The following ELAPOR2 variants were observed in gnomAD, a reference collection of about 807,000 sequenced individuals.
ELAPOR2 encodes the protein endosome/lysosome-associated apoptosis and autophagy regulator family member 2.
ELAPOR2 carries 89 observed loss-of-function variants against 120.7 expected under a neutral mutation model. That is an observed-to-expected ratio of 0.74 (90% confidence interval 0.62 to 0.88). The LOEUF (loss-of-function observed/expected upper bound fraction) is 0.88, where lower values mean the gene tolerates loss of function less well. Ranked by LOEUF, ELAPOR2 falls within the 40% of genes least tolerant of loss-of-function variation. The pLI, the probability that ELAPOR2 is intolerant of heterozygous loss-of-function variation, is 0.00. For missense variants in ELAPOR2, 1,134 were observed against 1,251.6 expected, an observed-to-expected ratio of 0.91 and a Z score of 1.42; for synonymous variants, 444 against 444.9, an observed-to-expected ratio of 1.00 and a Z score of 0.03.
chr7:86,944,880 A>G lies in ELAPOR2; in HGVS notation c.654+19T>C. ...GAATGTCCCTTAAAAAGTAAATTCCAGAATACAAAAGGTCTTACAAAGAAC... is the reference window on the plus strand; with the variant it reads ...GAATGTCCCTTAAAAAGTAAATTCCGGAATACAAAAGGTCTTACAAAGAAC... On this transcript the variant is annotated intron_variant, in intron 4 of 21. Coordinates refer to ENST00000450689, the MANE Select transcript of ELAPOR2 (RefSeq NM_001142749.3). 1.3e-6 allele frequency: 2 copies of G among 1,518,826 alleles called. No individual in the cohort carries two copies. The highest frequency in any genetic ancestry group is 1.8e-6 in the Non-Finnish European group (2 of 1,135,978). The allele number at this position is 1,518,826 out of a possible 1,614,324, so 94.1% of individuals were successfully genotyped here.
At chr7:86,992,178 C>T (rs1006564668) in intron 1 of ELAPOR2, among the ~76,000 whole-genome samples, 1 of 152,134 alleles carries the variant, frequency 6.6e-6, no homozygotes, top group Non-Finnish European at 1.5e-5. Context: ...GTAATCCCAG[C>T]ACTTTGGGAG....
intron 1 of ELAPOR2, among the ~76,000 whole-genome samples, chr7:86,985,470 C>G (rs1176121180): frequency 6.6e-6 from 1 of 152,184 alleles, no homozygotes; most frequent in East Asian, 1.9e-4. Flanking sequence ...AATCCAGCAG[C>G]ACATCAAAAA....
At chr7:86,963,855 T>C (rs536040071) in intron 2 of ELAPOR2, among the ~76,000 whole-genome samples, 1 of 152,344 alleles carries the variant, frequency 6.6e-6, no homozygotes, top group East Asian at 1.9e-4. Context: ...AGACTGTTGC[T>C]ACACTGAAGC....
intron 1 of ELAPOR2, among the ~76,000 whole-genome samples, chr7:87,054,776 T>A (rs1329842085): frequency 6.6e-6 from 1 of 152,074 alleles, no homozygotes; most frequent in East Asian, 1.9e-4. Flanking sequence ...ATCTCCACCA[T>A]CCCATAGGAA....
At chr7:87,029,074 C>T (rs1355617030) in intron 1 of ELAPOR2, among the ~76,000 whole-genome samples, 1 of 152,282 alleles carries the variant, frequency 6.6e-6, no homozygotes, top group East Asian at 1.9e-4. Context: ...CATCCCTATA[C>T]CCTCAGCTCC....
chr7:86,909,278 C>T (rs1789182524), intron 16 of ELAPOR2, among the ~76,000 whole-genome samples: 1 of 151,976 alleles, frequency 6.6e-6, no homozygotes, highest in Non-Finnish European at 1.5e-5. Context: ...CTGTAGAGAT[C>T]ATAATAAATT....
chr7:87,015,638 A>C (rs1423061317), intron 1 of ELAPOR2, among the ~76,000 whole-genome samples: 1 of 151,812 alleles, frequency 6.6e-6, no homozygotes, highest in Non-Finnish European at 1.5e-5. Flanking sequence ...AATACAAAAC[A>C]TTACTTGGGC....
chr7:86,978,940 C>G (rs1264887135), intron 1 of ELAPOR2, among the ~76,000 whole-genome samples: 1 of 152,180 alleles, frequency 6.6e-6, no homozygotes, highest in Non-Finnish European at 1.5e-5. Context: ...TGACACATTT[C>G]CTCAATTCTG....
chr7:86,930,489 C>T (rs1416978084), intron 8 of ELAPOR2, among the ~76,000 whole-genome samples: 1 of 151,822 alleles, frequency 6.6e-6, no homozygotes, highest in Non-Finnish European at 1.5e-5. Context: ...TATCTTTGTC[C>T]TGCTATATAA....
At chr7:87,039,677 G>GCTGA (rs1355753797) in intron 1 of ELAPOR2, among the ~76,000 whole-genome samples, 2 of 152,132 alleles carry the variant, frequency 1.3e-5, no homozygotes, top group Non-Finnish European at 2.9e-5. Flanking sequence ...TTCAATTGAT[G>GCTGA]CTGAAAAAGC....
intron 1 of ELAPOR2, among the ~76,000 whole-genome samples, chr7:86,982,103 G>A (rs1199166392): frequency 6.6e-6 from 1 of 152,250 alleles, no homozygotes; most frequent in Non-Finnish European, 1.5e-5. Context: ...AGCCTGGCTC[G>A]GGGAGGGGCA....
Position 87,039,963 on chromosome 7 carries a change from G to A in ELAPOR2, c.189+19362C>T, listed in dbSNP as rs200115714. ...TGAGGCATTGCCTCACTCGGGAAGC[G>A]CAAGGGGTCAGGGAGTTCCCTTTCC... is the stretch of plus-strand genomic sequence containing the variant. On this transcript the variant is annotated intron_variant, in intron 1 of 21. Transcript: ENST00000450689. 6.6e-5 allele frequency among the ~76,000 whole-genome samples: 10 copies of A among 152,020 alleles called. No homozygotes were observed. In the South Asian group the frequency reaches 8.3e-4, roughly 13 times the overall value.
intron 12 of ELAPOR2, among the ~76,000 whole-genome samples, chr7:86,916,715 TGGTCCAG>T (rs1789585617): frequency 6.6e-6 from 1 of 152,138 alleles, no homozygotes; most frequent in Admixed American, 6.5e-5. Flanking sequence ...CAGGTGGTGC[TGGTCCAG>T]GGTCCACACT....
chr7:86,896,528 C>T (rs1738028118), intron 19 of ELAPOR2, among the ~76,000 whole-genome samples: 1 of 152,084 alleles, frequency 6.6e-6, no homozygotes, highest in African/African-American at 2.4e-5. Context: ...TCAAGACCTT[C>T]CTGGGCAGAA....
chr7:87,041,645 C>T (rs925726634), intron 1 of ELAPOR2, among the ~76,000 whole-genome samples: 24 of 151,852 alleles, frequency 1.6e-4, no homozygotes, highest in African/African-American at 4.4e-4. Flanking sequence ...TGGTACCAGC[C>T]GCTGCAAAAT....
At chr7:87,009,112 CA>C (rs1793575748) in intron 1 of ELAPOR2, among the ~76,000 whole-genome samples, 1 of 152,066 alleles carries the variant, frequency 6.6e-6, no homozygotes, top group Admixed American at 6.5e-5. Flanking sequence ...ACAACGACAA[CA>C]AAAACCACCT....
chr7:86,939,101 G>T, intron 6 of ELAPOR2, 141 bp from the exon 7 acceptor site: 1 of 815,054 alleles, frequency 1.2e-6, no homozygotes, highest in Non-Finnish European at 1.9e-6. Context: ...TATTCATCCA[G>T]CACTAAGAAA....
At chr7:86,969,658 A>G (rs1266542302) in intron 1 of ELAPOR2, among the ~76,000 whole-genome samples, 1 of 152,188 alleles carries the variant, frequency 6.6e-6, no homozygotes, top group Non-Finnish European at 1.5e-5. Context: ...AGCATAAAGA[A>G]TAAGGGCTCA....
At chr7:86,914,319 C>T (rs1036407549) in intron 13 of ELAPOR2, among the ~76,000 whole-genome samples, 40 of 151,964 alleles carry the variant, frequency 2.6e-4, no homozygotes, top group African/African-American at 9.4e-4. Context: ...ATTACTGTAA[C>T]AAAAAAATAA....
Sources: allele counts gnomAD v4.1 joint callset (sites outside exome capture counted in the v4.1 genomes callset), GRCh38; gene constraint gnomAD v4.1.1; transcripts MANE v1.5; gene names NCBI Gene and HGNC (gene_info 2026-07-23, HGNC 2026-07-21).